Variants in MYO3A observed in about 807,000 individuals in gnomAD.
MYO3A encodes myosin-IIIa.
In MYO3A, 180 loss-of-function variants were observed where a neutral mutation model predicts 192.7. The observed-to-expected ratio is 0.93, with a 90% CI of 0.83 to 1.06. The LOEUF (loss-of-function observed/expected upper bound fraction) is 1.06, where lower values mean the gene tolerates loss of function less well. MYO3A is among the 50% of genes least tolerant of loss of function. MYO3A has a pLI of 0.00. For missense variants in MYO3A, 1,896 were observed against 1,905.0 expected (o/e 1.00, Z 0.09); for synonymous variants, 628 against 645.3 (o/e 0.97, Z 0.41).
intron 6 of MYO3A, among the ~76,000 whole-genome samples, chr10:26,010,590 A>T (rs1841586160): frequency 6.6e-6 from 1 of 151,858 alleles, no homozygotes; most frequent in African/African-American, 2.4e-5. Flanking sequence ...CAGCCTCCCA[A>T]ATAGTTGGGA....
At chr10:26,027,067 G>T (rs1269363411) in intron 10 of MYO3A, among the ~76,000 whole-genome samples, 1 of 151,956 alleles carries the variant, frequency 6.6e-6, no homozygotes, top group African/African-American at 2.4e-5. Context: ...ATGTTTTCTT[G>T]TATTTTCTGC....
chr10:26,016,693 C>A, intron 6 of MYO3A, 127 bp from the exon 7 acceptor site: 1 of 850,318 alleles, frequency 1.2e-6, no homozygotes, highest in South Asian at 1.4e-5. Flanking sequence ...TTTAATGTGA[C>A]ACTAGGTCCA....
At chr10:26,143,892 C>T (rs1237564313) in intron 21 of MYO3A, among the ~76,000 whole-genome samples, 2 of 152,070 alleles carry the variant, frequency 1.3e-5, no homozygotes, top group Non-Finnish European at 2.9e-5. Context: ...AATTTTCCAG[C>T]CCAAAATTAG....
intron 31 of MYO3A, among the ~76,000 whole-genome samples, chr10:26,179,555 T>A (rs1231122921): frequency 6.6e-6 from 1 of 152,222 alleles, no homozygotes; most frequent in Non-Finnish European, 1.5e-5. Flanking sequence ...TCGCTTAAAG[T>A]TGCAGTTTCT....
chr10:26,074,756 T>A (rs900598267), intron 14 of MYO3A, among the ~76,000 whole-genome samples: 1 of 151,852 alleles, frequency 6.6e-6, no homozygotes, highest in Admixed American at 6.6e-5. Flanking sequence ...ATAGTCTTAT[T>A]TTCTTTCTTT....
intron 6 of MYO3A, among the ~76,000 whole-genome samples, chr10:26,015,390 G>C (rs1394901443): frequency 6.6e-6 from 1 of 151,838 alleles, no homozygotes; most frequent in Non-Finnish European, 1.5e-5. Flanking sequence ...TTACTTCCTA[G>C]GGCTCCTGAA....
At chr10:26,141,267 T>C (rs1840149295) in intron 20 of MYO3A, among the ~76,000 whole-genome samples, 1 of 152,238 alleles carries the variant, frequency 6.6e-6, no homozygotes, top group Admixed American at 6.5e-5. Context: ...CAGAGGACTT[T>C]CTGAAGAAAT....
intron 18 of MYO3A, 88 bp downstream of exon 18, chr10:26,120,890 T>C (rs772344903): frequency 3.3e-6 from 5 of 1,519,366 alleles, no homozygotes; most frequent in Non-Finnish European, 4.5e-6. Flanking sequence ...TTTCAAGCAA[T>C]TGTGCTAACC....
chr10:26,038,828 G>A (rs1007882871), intron 10 of MYO3A, among the ~76,000 whole-genome samples: 2 of 152,060 alleles, frequency 1.3e-5, no homozygotes, highest in African/African-American at 4.8e-5. Context: ...ACATATGTTC[G>A]TTTTATTTTG....
chr10:26,002,371 G>C (rs7902513), intron 6 of MYO3A, among the ~76,000 whole-genome samples: 14,349 of 152,168 alleles, frequency 0.094, 1,188 homozygotes, highest in African/African-American at 0.21. Flanking sequence ...TGCACCCCTA[G>C]AGATGGAGCA....
At chr10:25,987,728 T>G (rs1839743127) in intron 4 of MYO3A, among the ~76,000 whole-genome samples, 1 of 152,042 alleles carries the variant, frequency 6.6e-6, no homozygotes. Flanking sequence ...ATGGAAGCAT[T>G]GAAAAGGGAA....
At chr10:26,166,395 G>C (rs1841753561) in intron 27 of MYO3A, among the ~76,000 whole-genome samples, 1 of 152,036 alleles carries the variant, frequency 6.6e-6, no homozygotes, top group Non-Finnish European at 1.5e-5. Context: ...AAATACAAAA[G>C]GCTGGGCAAG....
intron 17 of MYO3A, among the ~76,000 whole-genome samples, chr10:26,104,969 C>A (rs1203028247): frequency 6.6e-6 from 1 of 151,972 alleles, no homozygotes; most frequent in Non-Finnish European, 1.5e-5. Flanking sequence ...TTATATTACA[C>A]ACACTTTTCT....
chr10:26,159,218 C>T (rs979872751), intron 26 of MYO3A, among the ~76,000 whole-genome samples: 2 of 151,326 alleles, frequency 1.3e-5, no homozygotes, highest in African/African-American at 4.9e-5. Context: ...TCTCCATCTC[C>T]TGACCTCGTG....
At chr10:26,099,915 G>A (rs888252698) in intron 17 of MYO3A, among the ~76,000 whole-genome samples, 5 of 152,158 alleles carry the variant, frequency 3.3e-5, no homozygotes, top group East Asian at 1.9e-4. Flanking sequence ...TCAGGCTGAC[G>A]CTGGCCTCAT....
chr10:26,171,137 G>A (rs1224419027), intron 29 of MYO3A, among the ~76,000 whole-genome samples: 2 of 152,078 alleles, frequency 1.3e-5, no homozygotes, highest in Non-Finnish European at 2.9e-5. Flanking sequence ...ATAGGCAAAG[G>A]GTACACTGGG....
At chr10:26,143,353 G>A in intron 20 of MYO3A, 95 bp from the exon 21 acceptor site, 2 of 1,302,174 alleles carry the variant, frequency 1.5e-6, no homozygotes, top group African/African-American at 1.5e-5. Context: ...GTCAAAGGGA[G>A]CAATTTATTT....
At chr10:26,160,216 A>C (rs1168453337) in intron 26 of MYO3A, among the ~76,000 whole-genome samples, 1 of 152,182 alleles carries the variant, frequency 6.6e-6, no homozygotes, top group Non-Finnish European at 1.5e-5. Context: ...TGAATTTTAG[A>C]AGTGGCTTGA....
At chr10:26,094,934 G>C (rs1245097495) in intron 15 of MYO3A, among the ~76,000 whole-genome samples, 3 of 152,268 alleles carry the variant, frequency 2.0e-5, no homozygotes, top group Admixed American at 1.3e-4. Context: ...AGGCTCCTCT[G>C]TTCTACTAAA....
Sources: allele counts gnomAD v4.1 joint callset (sites outside exome capture counted in the v4.1 genomes callset), GRCh38; gene constraint gnomAD v4.1.1; transcripts MANE v1.5; gene names NCBI Gene and HGNC (gene_info 2026-07-23, HGNC 2026-07-21).